Variants in KCNIP4 observed in about 807,000 individuals in gnomAD.
The protein encoded by KCNIP4 is Kv channel-interacting protein 4.
In KCNIP4, 12 loss-of-function variants were observed where a neutral mutation model predicts 34.0. The observed-to-expected ratio is 0.35, with a 90% CI of 0.23 to 0.57. KCNIP4 has a LOEUF of 0.57. Among genes scored for constraint, KCNIP4 ranks in the 20% least tolerant of loss-of-function variants. The pLI, the probability that KCNIP4 is intolerant of heterozygous loss-of-function variation, is 0.83. For missense variants in KCNIP4, 238 were observed against 311.7 expected, an observed-to-expected ratio of 0.76 and a Z score of 1.78; for synonymous variants, 124 against 102.2, an observed-to-expected ratio of 1.21 and a Z score of -1.29.
intron 1 of KCNIP4, among the ~76,000 whole-genome samples, chr4:21,884,740 A>T (rs1055109728): frequency 1.3e-5 from 2 of 152,136 alleles, no homozygotes; most frequent in African/African-American, 2.4e-5. Flanking sequence ...AGGAATGCCA[A>T]CATCATCACT....
In KCNIP4 at chr4:21,284,189, G is replaced by A. The variant is rs192448242; in HGVS notation, c.62-401480C>T. 2.5e-3 allele frequency among the ~76,000 whole-genome samples: 378 copies of A among 151,666 alleles called. 1 individual carries two copies. Among genetic ancestry groups the A allele is most frequent in the Middle Eastern group, 0.01 (3 of 294 alleles). On this transcript the variant is annotated intron_variant, in intron 1 of 8. Coordinates refer to ENST00000382152, the MANE Select transcript of KCNIP4 (RefSeq NM_025221.6). ...GATTGCACCACTGCACTCCAGCCTG[G>A]GCGACAGAGCGAGACTCCGTCTCAA...
At chr4:21,191,835 C>T (rs1208418085) in intron 1 of KCNIP4, among the ~76,000 whole-genome samples, 1 of 152,088 alleles carries the variant, frequency 6.6e-6, no homozygotes, top group East Asian at 1.9e-4. Context: ...AGGAGACAGC[C>T]AATGGTTTGG....
intron 1 of KCNIP4, among the ~76,000 whole-genome samples, chr4:21,739,698 A>G (rs1010836986): frequency 5.3e-5 from 8 of 152,086 alleles, no homozygotes; most frequent in East Asian, 1.9e-4. Context: ...ATATAAGGAG[A>G]AAGTTATGCT....
At chr4:20,995,445 C>T (rs1012441007) in intron 1 of KCNIP4, among the ~76,000 whole-genome samples, 4 of 152,132 alleles carry the variant, frequency 2.6e-5, no homozygotes, top group Non-Finnish European at 5.9e-5. Context: ...TGAGGTATTT[C>T]GATTATTATG....
intron 1 of KCNIP4, among the ~76,000 whole-genome samples, chr4:21,209,625 A>G (rs887435004): frequency 2.0e-5 from 3 of 152,018 alleles, no homozygotes; most frequent in South Asian, 2.1e-4. Flanking sequence ...CTATTTATCT[A>G]TTTATCTATC....
intron 1 of KCNIP4, among the ~76,000 whole-genome samples, chr4:21,058,337 C>G (rs1743608196): frequency 6.6e-6 from 1 of 152,116 alleles, no homozygotes; most frequent in Non-Finnish European, 1.5e-5. Flanking sequence ...CTCCATCTCT[C>G]CATTTATTCT....
intron 1 of KCNIP4, among the ~76,000 whole-genome samples, chr4:21,159,097 C>T (rs541307151): frequency 6.6e-6 from 1 of 152,176 alleles, no homozygotes; most frequent in South Asian, 2.1e-4. Flanking sequence ...TGGTAGAAAT[C>T]AACAAGCTGA....
chr4:21,074,141 G>C (rs1320945279), intron 1 of KCNIP4, among the ~76,000 whole-genome samples: 1 of 152,272 alleles, frequency 6.6e-6, no homozygotes, highest in East Asian at 1.9e-4. Context: ...TCAGGATGAT[G>C]CTGGCCTCAT....
intron 1 of KCNIP4, among the ~76,000 whole-genome samples, chr4:21,369,818 ATTTT>A (rs5856627): frequency 0.016 from 2,162 of 131,594 alleles, 93 homozygotes; most frequent in African/African-American, 0.019. Flanking sequence ...AACCCAAATA[ATTTT>A]TTTTTTTTTT....
At chr4:21,108,621 CT>C (rs1468531743) in intron 1 of KCNIP4, among the ~76,000 whole-genome samples, 1 of 151,712 alleles carries the variant, frequency 6.6e-6, no homozygotes, top group Non-Finnish European at 1.5e-5. Context: ...CTCCATCCAG[CT>C]TTGTTCCATT....
rs576765408 is a variant in KCNIP4 at position 20,909,097 on chromosome 4, G to A, written c.62-26388C>T. 6.6e-5 allele frequency among the ~76,000 whole-genome samples: 10 copies of A among 152,216 alleles called. No homozygotes were observed. The South Asian group carries it at 1.7e-3, about 25-fold the overall frequency. On this transcript the variant is annotated intron_variant, in intron 1 of 8. Transcript: ENST00000382152. ...AATCTGTTACAGAGGAATAAATATC[G>A]ACCTCTGAATATGCTCTAGATCTGC...
chr4:21,483,881 A>C (rs950382039), intron 1 of KCNIP4, among the ~76,000 whole-genome samples: 1 of 152,070 alleles, frequency 6.6e-6, no homozygotes, highest in African/African-American at 2.4e-5. Flanking sequence ...TGGCCATGTA[A>C]GATGTGCCTG....
chr4:21,078,539 C>T (rs1745715541), intron 1 of KCNIP4, among the ~76,000 whole-genome samples: 1 of 151,876 alleles, frequency 6.6e-6, no homozygotes, highest in Non-Finnish European at 1.5e-5. Context: ...AGGACTCTAC[C>T]CTCATGATCT....
intron 1 of KCNIP4, among the ~76,000 whole-genome samples, chr4:21,523,297 G>A (rs115356398): frequency 0.011 from 1,600 of 152,180 alleles, 27 homozygotes; most frequent in African/African-American, 0.037. Context: ...TGTGCTAGAT[G>A]AGGTGATTAA....
chr4:21,256,502 G>C (rs1170514822), intron 1 of KCNIP4, among the ~76,000 whole-genome samples: 1 of 152,038 alleles, frequency 6.6e-6, no homozygotes, highest in Non-Finnish European at 1.5e-5. Context: ...GGGAGGCTGA[G>C]GTGGGAGGAT....
Position 21,142,773 on chromosome 4 carries a change from C to T in KCNIP4, c.62-260064G>A, listed in dbSNP as rs117428982. On this transcript the variant is annotated intron_variant, in intron 1 of 8. Transcript: ENST00000382152. ...AGCTATTTAGAAAGTGATAATAATCCTAATGCCCTGTAATGATTTGAGGAT... is the reference window on the plus strand; with the variant it reads ...AGCTATTTAGAAAGTGATAATAATCTTAATGCCCTGTAATGATTTGAGGAT... Among the ~76,000 whole-genome samples, 965 of 152,240 alleles carry T rather than the reference C, an allele frequency of 6.3e-3. 24 individuals are homozygous for T. The East Asian group carries it at 0.082, about 13-fold the overall frequency.
chr4:20,835,089 A>G (rs1390145241), intron 3 of KCNIP4, among the ~76,000 whole-genome samples: 1 of 152,154 alleles, frequency 6.6e-6, no homozygotes, highest in East Asian at 1.9e-4. Flanking sequence ...AAAGAGCCCA[A>G]GCTAATACAG....
chr4:20,947,830 A>G (rs1732351084), intron 1 of KCNIP4, among the ~76,000 whole-genome samples: 1 of 152,212 alleles, frequency 6.6e-6, no homozygotes, highest in Admixed American at 6.5e-5. Context: ...TTCCTCATTT[A>G]CATCCCTACA....
intron 1 of KCNIP4, among the ~76,000 whole-genome samples, chr4:21,325,456 C>A (rs1714941570): frequency 6.6e-6 from 1 of 151,734 alleles, no homozygotes; most frequent in African/African-American, 2.4e-5. Flanking sequence ...ACTCATTTTT[C>A]ATCTCTGATT....
Sources: gnomAD v4.1 joint callset for allele counts (sites outside exome capture counted in the v4.1 genomes callset) on GRCh38, gnomAD v4.1.1 for gene constraint, MANE v1.5 for transcripts, NCBI Gene and HGNC (gene_info 2026-07-23, HGNC 2026-07-21) for gene names.